ALDH1A3: variants seen among roughly 807,000 people sequenced by gnomAD.
ALDH1A3 encodes the protein aldehyde dehydrogenase 1 family member A3, also known as retinaldehyde dehydrogenase 3.
Under a neutral mutation model 57.5 loss-of-function variants are expected in ALDH1A3, and 28 were observed. The observed-to-expected ratio is 0.49, with a 90% confidence interval of 0.36 to 0.67. The LOEUF is 0.67. ALDH1A3 is among the 30% of genes least tolerant of loss of function. ALDH1A3 has a pLI of 0.00. For missense variants in ALDH1A3, 507 were observed against 669.4 expected (o/e 0.76, Z 2.68); for synonymous variants, 281 against 264.8 (o/e 1.06, Z -0.59).
intron 8 of ALDH1A3, among the ~76,000 whole-genome samples, chr15:100,899,867 A>G (rs2041748407): frequency 6.6e-6 from 1 of 152,258 alleles, no homozygotes; most frequent in Non-Finnish European, 1.5e-5. Context: ...AGCCACTGCC[A>G]GCCTCTATGC....
chr15:100,885,779 T>C (rs1021401366), intron 2 of ALDH1A3, among the ~76,000 whole-genome samples: 1 of 150,490 alleles, frequency 6.6e-6, no homozygotes, highest in Admixed American at 6.7e-5. Flanking sequence ...TAGAAAAAAA[T>C]AGACACTTTG....
At chr15:100,912,463 T>C (rs1204012421) in intron 12 of ALDH1A3, among the ~76,000 whole-genome samples, 1 of 152,240 alleles carries the variant, frequency 6.6e-6, no homozygotes, top group Non-Finnish European at 1.5e-5. Flanking sequence ...CACACAGTGT[T>C]GTAAATTTTT....
chr15:100,896,215 A>C, intron 7 of ALDH1A3, 169 bp downstream of exon 7: 2 of 583,212 alleles, frequency 3.4e-6, no homozygotes, highest in Non-Finnish European at 6.1e-6. Context: ...TTCCAAACTA[A>C]ATAAATATCT....
intron 1 of ALDH1A3, among the ~76,000 whole-genome samples, chr15:100,882,902 A>T (rs1048225346): frequency 2.0e-5 from 3 of 152,252 alleles, no homozygotes; most frequent in Admixed American, 6.5e-5. Context: ...CACTTACAAG[A>T]TTACTTACTA....
At position 100,887,205 on chromosome 15, in the gene ALDH1A3, C is replaced by T. The variant is rs73480611; in HGVS notation, c.205-367C>T. ...CTGCTGCTTGCAGCCTGTCTGCCAG[C>T]GGGACAATCTGCTGTTCTCTATAAC... On this transcript the variant is annotated intron_variant, in intron 2 of 12. Coordinates refer to ENST00000329841, the MANE Select transcript of ALDH1A3 (RefSeq NM_000693.4). This position sits in a 1 kb window ranked among gnomAD's most constrained non-coding sequence, Gnocchi z 4.6. Among the ~76,000 whole-genome samples the T allele has an allele frequency of 0.089, 13,501 of 152,136 alleles. 1,666 individuals are homozygous for T. Among genetic ancestry groups the T allele is most frequent in the African/African-American group, 0.28 (11,529 of 41,442 alleles).
rs1423229883 is a variant in ALDH1A3, at chr15:100,902,019, G to A, written c.1068+1260G>A. On this transcript the variant is annotated intron_variant, in intron 9 of 12. Transcript: ENST00000329841. ...TGACACAAGGTTGTCTAATGGCCTC[G>A]GCTGGATTTCAGATCTGAACGCAAA... Among the ~76,000 whole-genome samples the A allele has an allele frequency of 4.6e-5, 7 of 152,312 alleles. No homozygotes were observed. In the South Asian group the frequency reaches 1.2e-3, roughly 27 times the overall value.
intron 3 of ALDH1A3, chr15:100,892,067 A>T (rs1406312093): frequency 1.8e-5 from 3 of 170,494 alleles, no homozygotes; most frequent in African/African-American, 7.2e-5. Context: ...TTGTTCGAGG[A>T]GGGCAGCTCC....
chr15:100,904,989 G>T, intron 9 of ALDH1A3, among the ~76,000 whole-genome samples: 1 of 152,192 alleles, frequency 6.6e-6, no homozygotes, highest in East Asian at 1.9e-4. Flanking sequence ...ACTGAGCAGG[G>T]CACAGGGTTG....
In ALDH1A3 at chr15:100,883,671, A is replaced by G. The variant is rs552061021; in HGVS notation, c.100-1596A>G. On this transcript the variant is annotated intron_variant, in intron 1 of 12. Transcript: ENST00000329841. Reference sequence around the variant, plus strand: ...GGGTTTTTTTTTTTTTTAACATTCTATCAACTTTTAAGTTCTGGGGTACAT... The same window carrying G: ...GGGTTTTTTTTTTTTTTAACATTCTGTCAACTTTTAAGTTCTGGGGTACAT... Among the ~76,000 whole-genome samples, 168 of 149,230 alleles carry G rather than the reference A, an allele frequency of 1.1e-3. 4 individuals are homozygous for G. The South Asian group carries it at 0.034, about 30-fold the overall frequency.
In ALDH1A3 at chr15:100,915,784, T is replaced by G. The variant is rs1221019846; in HGVS notation, c.*1011T>G. The stretch of plus-strand genomic sequence containing the variant: ...GCTGTAATAACACAGCCTTGTTATT[T>G]TTAAGTCCTATTTTGATATTAATTT... On this transcript the variant is annotated 3_prime_UTR_variant, in exon 13 of 13. Transcript: ENST00000329841. The G allele has an allele frequency of 2.6e-5, 4 of 152,240 alleles. No individual in the cohort carries two copies. Among genetic ancestry groups the G allele is most frequent in the African/African-American group, 9.6e-5 (4 of 41,470 alleles). 9.4% of individuals were successfully genotyped at this position (152,240 alleles called of 1,614,324 possible).
chr15:100,900,458 A>G (rs2141563495), intron 8 of ALDH1A3, 117 bp from the exon 9 acceptor site: 2 of 938,610 alleles, frequency 2.1e-6, no homozygotes, highest in Middle Eastern at 6.4e-4. Context: ...AAATGCAGCC[A>G]TCCTGGGGCC....
chr15:100,907,561 T>C (rs1263959816), intron 11 of ALDH1A3, among the ~76,000 whole-genome samples: 2 of 152,198 alleles, frequency 1.3e-5, no homozygotes. Flanking sequence ...CTGTGGCCCC[T>C]GTGCTGTACT....
intron 7 of ALDH1A3, among the ~76,000 whole-genome samples, chr15:100,896,961 G>A (rs761856988): frequency 1.3e-5 from 2 of 152,218 alleles, no homozygotes; most frequent in Non-Finnish European, 2.9e-5. Flanking sequence ...CTATGGGGTG[G>A]GCTCGGGGCA....
intron 3 of ALDH1A3, among the ~76,000 whole-genome samples, chr15:100,891,008 C>A (rs540132926): frequency 6.6e-6 from 1 of 152,176 alleles, no homozygotes; most frequent in Admixed American, 6.5e-5. Context: ...CAAGCTAGAC[C>A]AGTCCTGTGG....
chr15:100,891,451 A>C (rs1369927155), intron 3 of ALDH1A3, among the ~76,000 whole-genome samples: 1 of 152,206 alleles, frequency 6.6e-6, no homozygotes, highest in Admixed American at 6.5e-5. Flanking sequence ...CAGCCTGTAA[A>C]GGCCAGTCGC....
At chr15:100,885,861 C>T (rs2041589965) in intron 2 of ALDH1A3, among the ~76,000 whole-genome samples, 1 of 152,138 alleles carries the variant, frequency 6.6e-6, no homozygotes, top group Non-Finnish European at 1.5e-5. Context: ...TTTCTTTTCT[C>T]CTAGAAATTT....
chr15:100,914,477 T>C lies in ALDH1A3; in HGVS notation c.1467-224T>C, dbSNP rs184903780. 397 of 447,598 alleles carry C rather than the reference T, an allele frequency of 8.9e-4. 2 individuals are homozygous for C. Among genetic ancestry groups the C allele is most frequent in the Non-Finnish European group, 1.9e-4 (48 of 247,514 alleles). The allele number at this position is 447,598 out of a possible 1,614,324, so 27.7% of individuals were successfully genotyped here. ...CTTAGTCCTGGCCATTTCAAAAGCA[T>C]CACACAGAAGAAGACCTTGATATTT... On this transcript the variant is annotated intron_variant, in intron 12 of 12. Transcript: ENST00000329841.
rs572101281 is a variant in ALDH1A3 at position 100,916,196 on chromosome 15, C to T, written c.*1423C>T. The stretch of plus-strand genomic sequence containing the variant: ...TCAGAGATATAAATTACCACATTTG[C>T]CTTCCCTTCATCAGCTAACACTTAT... On this transcript the variant is annotated 3_prime_UTR_variant, in exon 13 of 13. Coordinates refer to ENST00000329841, the MANE Select transcript of ALDH1A3 (RefSeq NM_000693.4). 6.6e-6 allele frequency: 1 copy of T among 152,282 alleles called. No homozygotes were observed. The highest frequency in any genetic ancestry group is 1.9e-4 in the East Asian group (1 of 5,190). The allele number at this position is 152,282 out of a possible 1,614,324, so 9.4% of individuals were successfully genotyped here.
In ALDH1A3 at chr15:100,886,816, A is replaced by G. The variant is rs555186716; in HGVS notation, c.205-756A>G. Among the ~76,000 whole-genome samples the G allele has an allele frequency of 7.9e-5, 12 of 152,242 alleles. No homozygotes were observed. In the East Asian group the frequency reaches 2.3e-3, roughly 29 times the overall value. On this transcript the variant is annotated intron_variant, in intron 2 of 12. Transcript: ENST00000329841. ...GGTGGGTGAGGCTGAAGGGAGAAAA[A>G]CGGCCTTCATGCTCCTCCCTGTCTG... is the stretch of plus-strand genomic sequence containing the variant.
Sources: allele counts gnomAD v4.1 joint callset (sites outside exome capture counted in the v4.1 genomes callset), GRCh38; gene constraint gnomAD v4.1.1; non-coding constraint Gnocchi (gnomAD v3.1); transcripts MANE v1.5; gene names NCBI Gene and HGNC (gene_info 2026-07-23, HGNC 2026-07-21).